CPED1: variants seen among roughly 807,000 people sequenced by gnomAD.
CPED1 encodes cadherin-like and PC-esterase domain-containing protein 1.
A neutral mutation model predicts 128.2 loss-of-function variants in CPED1; 114 were observed. The ratio of observed to expected loss-of-function variants is 0.89; its 90% CI spans 0.76 to 1.04. The LOEUF (loss-of-function observed/expected upper bound fraction) is 1.04. CPED1 is among the 50% of genes least tolerant of loss of function. The pLI is 0.00. For synonymous variants in CPED1, 462 were observed against 426.7 expected (o/e 1.08, Z -1.02); for missense variants, 1,211 against 1,207.1 (o/e 1.00, Z -0.05).
At chr7:121,098,803 A>AAT (rs1794767276) in intron 6 of CPED1, among the ~76,000 whole-genome samples, 2 of 143,922 alleles carry the variant, frequency 1.4e-5, no homozygotes, top group African/African-American at 2.6e-5. Flanking sequence ...AATATATATA[A>AAT]ATATATAAAT....
intron 18 of CPED1, among the ~76,000 whole-genome samples, chr7:121,258,546 A>C (rs1179180807): frequency 6.6e-6 from 1 of 152,062 alleles, no homozygotes. Flanking sequence ...TATTTTTTGC[A>C]AAAGCATCTA....
intron 22 of CPED1, among the ~76,000 whole-genome samples, 197 bp downstream of exon 22, chr7:121,271,627 A>T (rs1468263325): frequency 2.6e-5 from 4 of 152,162 alleles, no homozygotes; most frequent in African/African-American, 7.2e-5. Flanking sequence ...GAGATGTTAA[A>T]AAATTTATGT....
chr7:121,092,412 T>C (rs1794595949), intron 5 of CPED1, among the ~76,000 whole-genome samples: 1 of 152,206 alleles, frequency 6.6e-6, no homozygotes, highest in African/African-American at 2.4e-5. Context: ...TTATTAAGTA[T>C]AGATTTATCT....
chr7:121,282,610 C>T (rs566992063), intron 22 of CPED1, among the ~76,000 whole-genome samples: 1 of 152,264 alleles, frequency 6.6e-6, no homozygotes, highest in East Asian at 1.9e-4. Context: ...GACTCAGAAA[C>T]AGCAGTTTGA....
intron 16 of CPED1, among the ~76,000 whole-genome samples, chr7:121,158,006 T>G (rs1584555844): frequency 1.3e-5 from 2 of 152,152 alleles, no homozygotes; most frequent in East Asian, 1.9e-4. Flanking sequence ...CTGTAAAAAA[T>G]TTTTTGATGA....
At chr7:121,031,069 C>A (rs1179741329) in intron 3 of CPED1, among the ~76,000 whole-genome samples, 1 of 152,184 alleles carries the variant, frequency 6.6e-6, no homozygotes, top group Non-Finnish European at 1.5e-5. Context: ...GAATATCATA[C>A]AGATTTCCTG....
At chr7:121,157,872 C>T (rs1796326093) in intron 16 of CPED1, among the ~76,000 whole-genome samples, 1 of 152,228 alleles carries the variant, frequency 6.6e-6, no homozygotes, top group Non-Finnish European at 1.5e-5. Context: ...ACAATTTACC[C>T]TCCCTGGCTG....
chr7:121,251,324 T>C (rs1370895976), intron 18 of CPED1, among the ~76,000 whole-genome samples: 1 of 152,146 alleles, frequency 6.6e-6, no homozygotes, highest in Non-Finnish European at 1.5e-5. Flanking sequence ...CTCAAAACAA[T>C]AACAGCTATC....
chr7:121,135,088 T>G (rs1387901284), intron 13 of CPED1, among the ~76,000 whole-genome samples: 1 of 152,020 alleles, frequency 6.6e-6, no homozygotes, highest in Admixed American at 6.6e-5. Flanking sequence ...GATCTATTGT[T>G]AAACCTAACT....
At chr7:121,048,279 C>T (rs960710701) in intron 4 of CPED1, among the ~76,000 whole-genome samples, 28 of 152,280 alleles carry the variant, frequency 1.8e-4, no homozygotes, top group African/African-American at 6.3e-4. Flanking sequence ...CTCAACCTGG[C>T]GAAAACTGAC....
At chr7:121,245,701 C>T (rs1798510767) in intron 18 of CPED1, among the ~76,000 whole-genome samples, 1 of 145,612 alleles carries the variant, frequency 6.9e-6, no homozygotes, top group African/African-American at 2.6e-5. Context: ...ACTCCACAGG[C>T]ATTTTTTTTT....
intron 5 of CPED1, among the ~76,000 whole-genome samples, chr7:121,078,835 G>A (rs921654341): frequency 2.6e-5 from 4 of 152,184 alleles, no homozygotes; most frequent in Non-Finnish European, 4.4e-5. Flanking sequence ...TAGGGCTGCC[G>A]TAACAAAGTA....
intron 16 of CPED1, among the ~76,000 whole-genome samples, chr7:121,235,847 G>A (rs1312573102): frequency 6.6e-6 from 1 of 152,110 alleles, no homozygotes; most frequent in Non-Finnish European, 1.5e-5. Context: ...AGAGTTTCAG[G>A]AAGACCTTGC....
rs556808669 is a variant in CPED1 at position 121,092,582 on chromosome 7, T to A, written c.617-5117T>A. On this transcript the variant is annotated intron_variant, in intron 5 of 22. Coordinates refer to ENST00000310396, the MANE Select transcript of CPED1 (RefSeq NM_024913.5). Reference sequence around the variant, plus strand: ...ATAACCCTTCTCTTCTAACTTCCAATGGGTGATCAAGCTTGTAAACTTGAC... The same window carrying A: ...ATAACCCTTCTCTTCTAACTTCCAAAGGGTGATCAAGCTTGTAAACTTGAC... Among the ~76,000 whole-genome samples, 14 of 152,342 alleles carry A rather than the reference T, an allele frequency of 9.2e-5. No homozygotes were observed. The East Asian group carries it at 2.7e-3, about 29-fold the overall frequency.
In CPED1 at chr7:121,025,476, T is replaced by A. The variant is rs1792553383; in HGVS notation, c.433+9628T>A. On this transcript the variant is annotated intron_variant, in intron 3 of 22. Transcript: ENST00000310396. ...TTCTATTTAAATAATGAATTAAGCATTGATGTGAATTCACTGAGGTAATTT... is the reference window on the plus strand; with the variant it reads ...TTCTATTTAAATAATGAATTAAGCAATGATGTGAATTCACTGAGGTAATTT... 2.0e-5 allele frequency among the ~76,000 whole-genome samples: 3 copies of A among 152,168 alleles called. No homozygotes were observed. The South Asian group carries it at 6.2e-4, about 31-fold the overall frequency.
At chr7:121,056,324 G>A (rs868400947) in intron 4 of CPED1, among the ~76,000 whole-genome samples, 23 of 152,066 alleles carry the variant, frequency 1.5e-4, no homozygotes, top group Middle Eastern at 3.4e-3. Context: ...TTAGGGAAGG[G>A]CAATCTCCTA....
rs957842543 is a variant in CPED1 at position 121,290,471 on chromosome 7, G to C, written c.2869-4969G>C. Among the ~76,000 whole-genome samples, 5 of 152,134 alleles carry C rather than the reference G, an allele frequency of 3.3e-5. No individual in the cohort carries two copies. The East Asian group carries it at 9.6e-4, about 29-fold the overall frequency. ...CTCCACATCCTCTCCAGCATCTGTT[G>C]TTTCCTGACTTTTTAATGATCGCCA... On this transcript the variant is annotated intron_variant, in intron 22 of 22. Coordinates refer to ENST00000310396, the MANE Select transcript of CPED1 (RefSeq NM_024913.5).
intron 5 of CPED1, among the ~76,000 whole-genome samples, chr7:121,080,267 T>G (rs1042647624): frequency 1.3e-5 from 2 of 152,144 alleles, no homozygotes; most frequent in African/African-American, 4.8e-5. Context: ...ATATAGCCTG[T>G]GAGAATAAAG....
At chr7:121,117,100 A>ATATAAATATATATAT (rs1450957943) in intron 7 of CPED1, among the ~76,000 whole-genome samples, 1 of 70,650 alleles carries the variant, frequency 1.4e-5, no homozygotes, top group African/African-American at 4.7e-5. Flanking sequence ...TATATATATA[A>ATATAAATATATATAT]ATATATATAT....
Sources: gnomAD v4.1 joint callset for allele counts (sites outside exome capture counted in the v4.1 genomes callset) on GRCh38, gnomAD v4.1.1 for gene constraint, MANE v1.5 for transcripts, NCBI Gene and HGNC (gene_info 2026-07-23, HGNC 2026-07-21) for gene names.